SUGP1: variants seen among roughly 807,000 people sequenced by gnomAD.
SUGP1 encodes the protein SURP and G-patch domain containing 1, also known as SURP and G-patch domain-containing protein 1.
In SUGP1, 34 loss-of-function variants were observed where a neutral mutation model predicts 76.5. The observed-to-expected ratio is 0.44, with a 90% CI of 0.34 to 0.59. SUGP1 has a LOEUF of 0.59. Among genes scored for constraint, SUGP1 ranks in the 20% least tolerant of loss-of-function variants. The probability of loss-of-function intolerance (pLI) is 0.01; values close to 1 mark genes in which losing one functional copy is unlikely to be tolerated. For missense variants in SUGP1, 752 were observed against 851.7 expected, an observed-to-expected ratio of 0.88 and a Z score of 1.46; for synonymous variants, 326 against 326.2, an observed-to-expected ratio of 1.00 and a Z score of 0.01.
At chr19:19,288,234 T>C (rs1455861927) in intron 8 of SUGP1, among the ~76,000 whole-genome samples, 1 of 152,058 alleles carries the variant, frequency 6.6e-6, no homozygotes, top group African/African-American at 2.4e-5. Context: ...GCCACGATCA[T>C]AGCTCACTGC....
At chr19:19,282,084 A>C (rs1162029080) in intron 8 of SUGP1, among the ~76,000 whole-genome samples, 1 of 151,876 alleles carries the variant, frequency 6.6e-6, no homozygotes, top group East Asian at 1.9e-4. Flanking sequence ...GGATCAAGCA[A>C]TTCTCCTGCC....
chr19:19,320,485 C>T lies in SUGP1; in HGVS notation c.12G>A (p.Lys4=), dbSNP rs566294865. Residue 4 remains lysine, a synonymous_variant, in exon 1 of 14, where the codon AAG becomes AAA. Coordinates refer to ENST00000247001, the MANE Select transcript of SUGP1 (RefSeq NM_172231.4). Reference sequence around the variant, plus strand: ...TACCTGCAACATCCCGGTTGTCCATCTTGAGACTCATCCAATCCCACAATG... The same window carrying T: ...TACCTGCAACATCCCGGTTGTCCATTTTGAGACTCATCCAATCCCACAATG... MSL[K]MDNRDVAGKA... 4 of 1,610,666 alleles carry T rather than the reference C, an allele frequency of 2.5e-6. No individual in the cohort carries two copies. The East Asian group carries it at 6.7e-5, about 27-fold the overall frequency.
At chr19:19,297,985 C>T (rs368064262) in intron 7 of SUGP1, among the ~76,000 whole-genome samples, 1 of 152,228 alleles carries the variant, frequency 6.6e-6, no homozygotes, top group African/African-American at 2.4e-5. Flanking sequence ...CCCCAGTCCA[C>T]AGGACTGTCT....
chr19:19,287,284 G>A (rs1233215408), intron 8 of SUGP1, among the ~76,000 whole-genome samples: 1 of 151,978 alleles, frequency 6.6e-6, no homozygotes, highest in African/African-American at 2.4e-5. Context: ...ACATAGGTGA[G>A]GCGAGGTGGC....
At chr19:19,278,828 G>A in intron 10 of SUGP1, 32 bp from the exon 11 acceptor site, 2 of 1,596,266 alleles carry the variant, frequency 1.3e-6, no homozygotes, top group Non-Finnish European at 1.7e-6. Flanking sequence ...TGAGAAGAGG[G>A]AGAAGCAGGA....
chr19:19,296,907 T>C (rs1311932707), intron 8 of SUGP1, 82 bp downstream of exon 8: 13 of 1,187,766 alleles, frequency 1.1e-5, no homozygotes, highest in African/African-American at 1.5e-5. Flanking sequence ...CAAGCTACAC[T>C]GTGGATGAAC....
chr19:19,314,039 G>T (rs2146629085), intron 2 of SUGP1, among the ~76,000 whole-genome samples: 1 of 152,208 alleles, frequency 6.6e-6, no homozygotes, highest in Admixed American at 6.6e-5. Context: ...TCGGGAGGCT[G>T]AGCAGGAGAA....
intron 8 of SUGP1, among the ~76,000 whole-genome samples, chr19:19,296,353 C>T (rs1025865030): frequency 4.6e-5 from 7 of 150,980 alleles, no homozygotes; most frequent in Admixed American, 4.0e-4. Flanking sequence ...GTCAGGAGTT[C>T]GAAACCAGCC....
intron 4 of SUGP1, chr19:19,304,048 G>T: frequency 6.4e-7 from 1 of 1,561,152 alleles, no homozygotes; most frequent in Non-Finnish European, 8.6e-7. Context: ...GACACACTAG[G>T]TGGGAGAGAA....
At chr19:19,310,987 GT>G (rs1450622132) in intron 2 of SUGP1, among the ~76,000 whole-genome samples, 1 of 151,990 alleles carries the variant, frequency 6.6e-6, no homozygotes, top group Admixed American at 6.6e-5. Flanking sequence ...CCTGGCTAAA[GT>G]GCAGAGTGCA....
At chr19:19,283,440 GTTT>G (rs148030853) in intron 8 of SUGP1, among the ~76,000 whole-genome samples, 2 of 147,220 alleles carry the variant, frequency 1.4e-5, no homozygotes, top group African/African-American at 2.5e-5. Flanking sequence ...TGCCCAGCTA[GTTT>G]TTTTTTTTCC....
chr19:19,298,542 C>T (rs1165948530), intron 7 of SUGP1, among the ~76,000 whole-genome samples: 1 of 152,074 alleles, frequency 6.6e-6, no homozygotes, highest in Admixed American at 6.6e-5. Context: ...ACCCCTTAGA[C>T]AGTTTCTAGG....
intron 8 of SUGP1, among the ~76,000 whole-genome samples, chr19:19,283,322 A>G (rs1205963328): frequency 6.6e-6 from 1 of 152,060 alleles, no homozygotes; most frequent in Non-Finnish European, 1.5e-5. Flanking sequence ...GCTGGAGTGT[A>G]ATGGTGCAAT....
chr19:19,315,268 C>T (rs953124070), intron 2 of SUGP1, among the ~76,000 whole-genome samples: 10 of 151,908 alleles, frequency 6.6e-5, no homozygotes, highest in Admixed American at 5.3e-4. Flanking sequence ...CTCAAGGCTT[C>T]GGTGAGCCAT....
At chr19:19,304,074 G>C in intron 4 of SUGP1, 3 of 1,514,198 alleles carry the variant, frequency 2.0e-6, no homozygotes, top group Non-Finnish European at 2.7e-6. Context: ...TGAGGCTGTG[G>C]TGAGCTCCAG....
intron 7 of SUGP1, among the ~76,000 whole-genome samples, chr19:19,298,534 C>A (rs914946773): frequency 6.6e-6 from 1 of 151,972 alleles, no homozygotes; most frequent in Non-Finnish European, 1.5e-5. Context: ...AGCAAGAGAC[C>A]CCTTAGACAG....
At chr19:19,277,929 G>A (rs1298789551) in intron 11 of SUGP1, 50 bp from the exon 12 acceptor site, 2 of 1,603,218 alleles carry the variant, frequency 1.2e-6, no homozygotes, top group Non-Finnish European at 1.7e-6. Flanking sequence ...GGCTGTGGTG[G>A]CCCCCAAATC....
chr19:19,292,449 C>T (rs2061192884), intron 8 of SUGP1, among the ~76,000 whole-genome samples: 1 of 151,988 alleles, frequency 6.6e-6, no homozygotes, highest in African/African-American at 2.4e-5. Flanking sequence ...CGCCTGTAAT[C>T]CCAGAACTTT....
chr19:19,305,832 C>T lies in SUGP1; in HGVS notation c.538+17G>A. The T allele has an allele frequency of 1.9e-6, 3 of 1,576,822 alleles. No homozygotes were observed. Among genetic ancestry groups the T allele is most frequent in the African/African-American group, 2.9e-5 (2 of 68,322 alleles). ...ACGGGCACTGGTGGTGGGGGAGCAG[C>T]AGCTCCCACAACTTACCTTTGATCT... On this transcript the variant is annotated intron_variant, in intron 4 of 13. Coordinates refer to ENST00000247001, the MANE Select transcript of SUGP1 (RefSeq NM_172231.4).
Sources: gnomAD v4.1 joint callset for allele counts (sites outside exome capture counted in the v4.1 genomes callset) on GRCh38, gnomAD v4.1.1 for gene constraint, MANE v1.5 for transcripts, NCBI Gene and HGNC (gene_info 2026-07-23, HGNC 2026-07-21) for gene names.